The following MYO5B variants were observed in gnomAD, a reference collection of about 807,000 sequenced individuals.
The protein encoded by MYO5B is myosin VB.
Under a neutral mutation model 229.3 loss-of-function variants are expected in MYO5B, and 143 were observed. The ratio of observed to expected loss-of-function variants is 0.62; its 90% CI spans 0.54 to 0.72. The LOEUF is 0.72. Among genes scored for constraint, MYO5B ranks in the 30% least tolerant of loss-of-function variants. MYO5B has a pLI of 0.00. For missense variants in MYO5B, 2,321 were observed against 2,331.0 expected (o/e 1.00, Z 0.09); for synonymous variants, 918 against 885.2 (o/e 1.04, Z -0.66).
intron 4 of MYO5B, among the ~76,000 whole-genome samples, chr18:50,023,433 T>C (rs1239258946): frequency 6.6e-6 from 1 of 152,158 alleles, no homozygotes; most frequent in South Asian, 2.1e-4. Flanking sequence ...TCAACCATCA[T>C]AGTATGAAGC....
At chr18:50,094,246 T>C (rs563441060) in intron 1 of MYO5B, among the ~76,000 whole-genome samples, 1 of 152,322 alleles carries the variant, frequency 6.6e-6, no homozygotes, top group African/African-American at 2.4e-5. Flanking sequence ...TTACAAAATG[T>C]TATAGTATAA....
intron 1 of MYO5B, among the ~76,000 whole-genome samples, chr18:50,094,311 G>A (rs72917852): frequency 0.16 from 23,802 of 152,148 alleles, 1,975 homozygotes; most frequent in East Asian, 0.23. Context: ...GCAAAAGGCT[G>A]TACTAGACAG....
intron 1 of MYO5B, among the ~76,000 whole-genome samples, chr18:50,106,450 T>G (rs1181229111): frequency 6.6e-6 from 1 of 152,226 alleles, no homozygotes; most frequent in East Asian, 1.9e-4. Context: ...CTTCATCATC[T>G]GGCCCTGTCC....
chr18:50,081,301 C>CA (rs1416765950), intron 1 of MYO5B, among the ~76,000 whole-genome samples: 4 of 152,216 alleles, frequency 2.6e-5, no homozygotes, highest in Non-Finnish European at 2.9e-5. Context: ...AAGGACCCTC[C>CA]AAGCCCATGC....
At chr18:49,864,031 T>G (rs1033845426) in intron 28 of MYO5B, 110 bp downstream of exon 28, 1 of 1,523,134 alleles carries the variant, frequency 6.6e-7, no homozygotes, top group African/African-American at 1.4e-5. Flanking sequence ...AGCGAGAGAC[T>G]CTGCTCTTTC....
chr18:49,951,659 A>T (rs898372533), intron 14 of MYO5B, among the ~76,000 whole-genome samples: 1 of 152,012 alleles, frequency 6.6e-6, no homozygotes, highest in Non-Finnish European at 1.5e-5. Flanking sequence ...GCAGAACCAG[A>T]CTCTGTATTA....
chr18:49,970,378 G>A (rs2025678333), intron 10 of MYO5B, among the ~76,000 whole-genome samples: 1 of 152,122 alleles, frequency 6.6e-6, no homozygotes, highest in Non-Finnish European at 1.5e-5. Flanking sequence ...CTGGGGGTCT[G>A]GAACCATTCA....
chr18:49,853,599 C>T lies in MYO5B; in HGVS notation c.4071G>A (p.Glu1357=). 6.2e-7 allele frequency: 1 copy of T among 1,614,096 alleles called. No individual in the cohort carries two copies. Among genetic ancestry groups the T allele is most frequent in the Non-Finnish European group, 8.5e-7 (1 of 1,180,046 alleles). Residue 1357 remains glutamate, a synonymous_variant, in exon 31 of 40, where the codon GAG becomes GAA. Transcript: ENST00000285039. The stretch of plus-strand genomic sequence containing the variant: ...CGAGCTGAGCCTTGAGATGCTCCAC[C>T]TCCTCCTCATGCTCCAGGCTCTGGG... ...LQAQSLEHEE[E]VEHLKAQLEA...
chr18:49,933,025 TAGC>T (rs371419060), intron 16 of MYO5B, among the ~76,000 whole-genome samples: 3 of 152,306 alleles, frequency 2.0e-5, no homozygotes, highest in African/African-American at 7.2e-5. Flanking sequence ...CCAATAGGAT[TAGC>T]AGACCCTGGA....
chr18:49,963,327 C>G (rs978734079), intron 10 of MYO5B, among the ~76,000 whole-genome samples: 2 of 152,084 alleles, frequency 1.3e-5, no homozygotes, highest in Non-Finnish European at 2.9e-5. Flanking sequence ...CCAGTTATAT[C>G]TTGGTGGGTT....
At chr18:49,974,856 A>G (rs1598924342) in intron 9 of MYO5B, among the ~76,000 whole-genome samples, 1 of 130,988 alleles carries the variant, frequency 7.6e-6, no homozygotes, top group East Asian at 2.3e-4. Flanking sequence ...AGAGCCCATA[A>G]GAGAGCAATG....
chr18:50,119,881 T>C (rs980921993), intron 1 of MYO5B, among the ~76,000 whole-genome samples: 1 of 152,138 alleles, frequency 6.6e-6, no homozygotes, highest in African/African-American at 2.4e-5. Flanking sequence ...GAAGCACAAA[T>C]ATTTTAAATG....
Position 49,953,347 on chromosome 18 carries a change from G to A in MYO5B, c.1669-4C>T, listed in dbSNP as rs760202857. ...AACCATCAGAGAGGTACTCCACCTG[G>A]GGCCACAGCAACCAGAGAGAGACAC... On this transcript the variant is annotated splice_polypyrimidine_tract_variant and splice_region_variant and intron_variant, in intron 13 of 39. Transcript: ENST00000285039. 1 of 1,613,732 alleles carries A rather than the reference G, an allele frequency of 6.2e-7. No individual in the cohort carries two copies. Among genetic ancestry groups the A allele is most frequent in the East Asian group, 2.2e-5 (1 of 44,886 alleles).
intron 5 of MYO5B, among the ~76,000 whole-genome samples, chr18:49,994,151 G>T (rs1434202343): frequency 6.6e-6 from 1 of 151,968 alleles, no homozygotes; most frequent in Non-Finnish European, 1.5e-5. Flanking sequence ...CCGAGACTAG[G>T]GGAGCACCTC....
chr18:50,014,294 A>AAAAAAAAAAAAC (rs1555651334), intron 4 of MYO5B, among the ~76,000 whole-genome samples: 1 of 141,640 alleles, frequency 7.1e-6, no homozygotes, highest in Non-Finnish European at 1.5e-5. Context: ...AAAAAAAAAA[A>AAAAAAAAAAAAC]AACTACGGGT....
chr18:49,941,890 A>C, intron 14 of MYO5B, among the ~76,000 whole-genome samples: 1 of 139,250 alleles, frequency 7.2e-6, no homozygotes, highest in Non-Finnish European at 1.6e-5. Context: ...AGCCAAAAGA[A>C]CAAAGCCAGA....
chr18:49,984,738 C>G lies in MYO5B; in HGVS notation c.926G>C (p.Arg309Pro). The change falls in exon 8 of 40, where the codon CGA (arginine) becomes CCA (proline). Residue 309 changes from arginine to proline, a missense_variant. Around this residue, in one of 2 missense-constraint regions of MYO5B, gnomAD observed 2,113 missense variants for 2,044.7 expected, o/e 1.03. Coordinates refer to ENST00000285039, the MANE Select transcript of MYO5B (RefSeq NM_001080467.3). ...CTTACCGAGGAGTGTGAAGGCTTGT[C>G]GAGTCTTCTCAAAGTCCTCAGCATC... ...VDDAEDFEKT[R>P]QAFTLLGVKE... The G allele has an allele frequency of 1.9e-6, 3 of 1,612,662 alleles. No individual in the cohort carries two copies. Among genetic ancestry groups the G allele is most frequent in the Non-Finnish European group, 2.5e-6 (3 of 1,178,648 alleles).
intron 1 of MYO5B, among the ~76,000 whole-genome samples, chr18:50,116,229 C>T (rs1568112925): frequency 6.6e-6 from 1 of 152,166 alleles, no homozygotes; most frequent in African/African-American, 2.4e-5. Context: ...CTACGTGTGG[C>T]GATCCATGCC....
intron 1 of MYO5B, among the ~76,000 whole-genome samples, chr18:50,075,511 T>C (rs983762114): frequency 6.6e-6 from 1 of 152,192 alleles, no homozygotes. Context: ...TACCCTCATT[T>C]CTGTGACTAC....
Sources: gnomAD v4.1 joint callset for allele counts (sites outside exome capture counted in the v4.1 genomes callset) on GRCh38, gnomAD v4.1.1 for gene constraint, gnomAD v4.1.1 regional missense constraint, MANE v1.5 for transcripts, NCBI Gene and HGNC (gene_info 2026-07-23, HGNC 2026-07-21) for gene names.